The following ARHGAP32 variants were observed in gnomAD, a reference collection of about 807,000 sequenced individuals.
The protein encoded by ARHGAP32 is Rho GTPase activating protein 32.
Under a neutral mutation model 186.5 loss-of-function variants are expected in ARHGAP32, and 51 were observed. That is an observed-to-expected ratio of 0.27 (90% CI 0.22 to 0.35). The LOEUF is 0.35. Among genes scored for constraint, ARHGAP32 ranks in the 10% least tolerant of loss-of-function variants. ARHGAP32 has a pLI of 1.00. For synonymous variants in ARHGAP32, 950 were observed against 964.3 expected (o/e 0.99, Z 0.27); for missense variants, 2,186 against 2,623.5 (o/e 0.83, Z 3.64).
intron 2 of ARHGAP32, among the ~76,000 whole-genome samples, chr11:129,163,614 A>G (rs1340743821): frequency 1.3e-5 from 2 of 152,190 alleles, no homozygotes; most frequent in Non-Finnish European, 2.9e-5. Context: ...AATTCTCACC[A>G]TATGTGCTAT....
chr11:129,023,208 T>C (rs1228828120), intron 11 of ARHGAP32, among the ~76,000 whole-genome samples: 1 of 152,166 alleles, frequency 6.6e-6, no homozygotes, highest in Non-Finnish European at 1.5e-5. Context: ...AGAAACACCA[T>C]ATACATACGG....
rs77281941 is a variant in ARHGAP32, at chr11:129,237,986, C to T, written c.-5+41160G>A. ...TAGTGAGAAGTGGCCCAACTGAAGA[C>T]GCATTTTGATGGTAGGGACAAGGGA... On this transcript the variant is annotated intron_variant, in intron 1 of 6. Transcript: ENST00000525234. Among the ~76,000 whole-genome samples, 310 of 152,150 alleles carry T rather than the reference C, an allele frequency of 2.0e-3. 2 individuals carry two copies. Among genetic ancestry groups the T allele is most frequent in the East Asian group, 0.02 (101 of 5,156 alleles).
chr11:129,060,403 CAGACAGAAG>C (rs1940450753), intron 10 of ARHGAP32, among the ~76,000 whole-genome samples: 1 of 148,660 alleles, frequency 6.7e-6, no homozygotes, highest in African/African-American at 2.4e-5. Flanking sequence ...GACAGACAGA[CAGACAGAAG>C]AAAGTTAGTA....
chr11:129,192,597 T>C (rs184860401), upstream of ARHGAP32, among the ~76,000 whole-genome samples: 190 of 152,226 alleles, frequency 1.2e-3, 1 homozygote, highest in African/African-American at 4.2e-3. Context: ...TCCAGAAAGG[T>C]AAATAGAAAA....
intron 2 of ARHGAP32, among the ~76,000 whole-genome samples, chr11:129,150,792 T>C (rs1316557276): frequency 6.6e-6 from 1 of 152,136 alleles, no homozygotes; most frequent in Non-Finnish European, 1.5e-5. Context: ...ACAGGGCCCA[T>C]AAGACAATAA....
At chr11:129,275,269 C>T (rs1337983561) in intron 1 of ARHGAP32, among the ~76,000 whole-genome samples, 1 of 152,202 alleles carries the variant, frequency 6.6e-6, no homozygotes, top group Non-Finnish European at 1.5e-5. Flanking sequence ...TCATCTATCA[C>T]TTACTGAGTG....
chr11:129,064,616 T>C (rs1329296882), intron 8 of ARHGAP32, among the ~76,000 whole-genome samples: 1 of 152,080 alleles, frequency 6.6e-6, no homozygotes, highest in Admixed American at 6.5e-5. Flanking sequence ...ACAGGTATCA[T>C]CGAGATTCAT....
intron 5 of ARHGAP32, among the ~76,000 whole-genome samples, chr11:129,122,869 T>C (rs562648784): frequency 3.9e-5 from 6 of 152,128 alleles, no homozygotes; most frequent in Non-Finnish European, 7.4e-5. Flanking sequence ...TGGGGAAATA[T>C]AATTTTTTAA....
chr11:129,219,271 A>G (rs1267969557), intron 1 of ARHGAP32, among the ~76,000 whole-genome samples: 5 of 152,198 alleles, frequency 3.3e-5, no homozygotes, highest in Non-Finnish European at 5.9e-5. Context: ...GCAAGTACCT[A>G]GGACTATATA....
rs780895719 is a variant in ARHGAP32, at chr11:128,989,719, AC to A, written c.1196-1595del. 3.1e-4 allele frequency among the ~76,000 whole-genome samples: 47 copies of A among 150,380 alleles called. No individual in the cohort carries two copies. In the Middle Eastern group the frequency reaches 0.027, roughly 88 times the overall value. The stretch of plus-strand genomic sequence containing the variant: ...ATGTTATCCCTCCCCTAGCCCCCCA[AC>A]CCCCCGAGAGGCCCTGGTGTGTGAT... On this transcript the variant is annotated intron_variant, in intron 12 of 22. Transcript: ENST00000682385.
Position 129,062,279 on chromosome 11 carries a change from C to G in ARHGAP32, c.963+1G>C. On this transcript the variant is annotated splice_donor_variant, in intron 10 of 22. Transcript: ENST00000682385. LOFTEE classifies it high-confidence loss of function. ...CCCACACCTAATTTGCTGCTGCCTA[C>G]CTGGAATCCGTGCTTGCCTCTCCAC... The G allele has an allele frequency of 6.2e-7, 1 of 1,613,234 alleles. No individual in the cohort carries two copies.
intron 1 of ARHGAP32, among the ~76,000 whole-genome samples, chr11:129,201,491 G>C (rs1223700144): frequency 6.6e-6 from 1 of 152,124 alleles, no homozygotes; most frequent in Non-Finnish European, 1.5e-5. Context: ...CACTGTTCTA[G>C]AGCCTGATAT....
intron 10 of ARHGAP32, among the ~76,000 whole-genome samples, chr11:129,042,686 G>A (rs1401834818): frequency 1.3e-5 from 2 of 152,196 alleles, no homozygotes; most frequent in African/African-American, 4.8e-5. Context: ...TTAAACAAAT[G>A]TATACAAAAA....
At chr11:129,177,291 A>G (rs938105388) in intron 1 of ARHGAP32, among the ~76,000 whole-genome samples, 5 of 152,152 alleles carry the variant, frequency 3.3e-5, no homozygotes, top group African/African-American at 1.2e-4. Context: ...TGTGGCAATA[A>G]TCAATAGCTT....
chr11:129,031,064 C>G (rs1939092372), intron 11 of ARHGAP32, among the ~76,000 whole-genome samples: 1 of 152,108 alleles, frequency 6.6e-6, no homozygotes, highest in African/African-American at 2.4e-5. Context: ...GAACTGTGAG[C>G]CAATTAAACC....
chr11:129,067,000 T>C (rs1278393601), intron 6 of ARHGAP32, 132 bp from the exon 7 acceptor site: 3 of 727,708 alleles, frequency 4.1e-6, no homozygotes, highest in African/African-American at 3.6e-5. Flanking sequence ...ATTAACTTGA[T>C]AGTTAATAGC....
intron 7 of ARHGAP32, among the ~76,000 whole-genome samples, chr11:129,065,382 G>C (rs1940653947): frequency 6.6e-6 from 1 of 152,000 alleles, no homozygotes; most frequent in Non-Finnish European, 1.5e-5. Context: ...GATTGGTCCA[G>C]GAATATGCCC....
At chr11:129,014,130 G>C (rs1379741497) in intron 11 of ARHGAP32, among the ~76,000 whole-genome samples, 1 of 152,120 alleles carries the variant, frequency 6.6e-6, no homozygotes, top group Non-Finnish European at 1.5e-5. Flanking sequence ...TACAACATGT[G>C]CCACAATGTT....
chr11:129,200,976 C>A (rs1012566405), intron 1 of ARHGAP32, among the ~76,000 whole-genome samples: 3 of 151,712 alleles, frequency 2.0e-5, no homozygotes, highest in African/African-American at 7.3e-5. Flanking sequence ...GAAAAAAGTC[C>A]CTATTAAGCC....
Sources: allele counts gnomAD v4.1 joint callset (sites outside exome capture counted in the v4.1 genomes callset), GRCh38; gene constraint gnomAD v4.1.1; transcripts MANE v1.5; gene names NCBI Gene and HGNC (gene_info 2026-07-23, HGNC 2026-07-21).